The following SYT9 variants were observed in gnomAD, a reference collection of about 807,000 sequenced individuals.
SYT9 encodes the protein synaptotagmin-9.
A neutral mutation model predicts 48.4 loss-of-function variants in SYT9; 22 were observed. The ratio of observed to expected loss-of-function variants is 0.45; its 90% CI spans 0.32 to 0.65. The LOEUF is 0.65. Ranked by LOEUF, SYT9 falls within the 30% of genes least tolerant of loss-of-function variation. The probability of loss-of-function intolerance (pLI) is 0.03; values close to 1 mark genes in which losing one functional copy is unlikely to be tolerated. For missense variants in SYT9, 577 were observed against 622.0 expected (o/e 0.93, Z 0.77); for synonymous variants, 265 against 245.0 (o/e 1.08, Z -0.76).
intron 6 of SYT9, among the ~76,000 whole-genome samples, chr11:7,455,121 C>A (rs1848125395): frequency 6.6e-6 from 1 of 151,926 alleles, no homozygotes; most frequent in East Asian, 1.9e-4. Context: ...AGCCTCTAAA[C>A]CTTTAAGGAT....
intron 3 of SYT9, among the ~76,000 whole-genome samples, chr11:7,396,272 G>A (rs564930518): frequency 2.6e-5 from 4 of 152,010 alleles, no homozygotes; most frequent in South Asian, 2.1e-4. Context: ...ACTTTATCTC[G>A]CTGTATTTTT....
At chr11:7,385,723 C>A (rs763126405) in intron 3 of SYT9, among the ~76,000 whole-genome samples, 1 of 152,200 alleles carries the variant, frequency 6.6e-6, no homozygotes, top group Non-Finnish European at 1.5e-5. Context: ...CTCTGTGCAG[C>A]TCCACTGGTT....
chr11:7,246,468 G>A lies in SYT9; in HGVS notation c.49+7552G>A, dbSNP rs570495163. ...AATGAATGAAAGAACAAATAGTTGG[G>A]GAAAGGTAACATATTTCAGCTAACT... On this transcript the variant is annotated intron_variant and NMD_transcript_variant, in intron 1 of 8. Transcript: ENST00000524820. Among the ~76,000 whole-genome samples the A allele has an allele frequency of 7.2e-5, 11 of 152,246 alleles. No homozygotes were observed. The Middle Eastern group carries it at 0.01, about 141-fold the overall frequency.
At chr11:7,437,137 G>A (rs963356282) in intron 6 of SYT9, among the ~76,000 whole-genome samples, 4 of 152,170 alleles carry the variant, frequency 2.6e-5, no homozygotes, top group African/African-American at 9.7e-5. Context: ...TTCTATTGTA[G>A]TGCTTAAATA....
intron 6 of SYT9, among the ~76,000 whole-genome samples, chr11:7,447,647 A>G (rs1430606601): frequency 6.6e-6 from 1 of 152,328 alleles, no homozygotes; most frequent in East Asian, 1.9e-4. Context: ...GAGAACAGAT[A>G]CTGTATCTCA....
intron 1 of SYT9, among the ~76,000 whole-genome samples, chr11:7,290,456 A>G (rs540197084): frequency 2.6e-5 from 4 of 152,148 alleles, no homozygotes; most frequent in South Asian, 2.1e-4. Flanking sequence ...TCCTTCTACT[A>G]TACTGCTCTG....
chr11:7,442,713 G>A (rs1847849823), intron 6 of SYT9, among the ~76,000 whole-genome samples: 1 of 152,132 alleles, frequency 6.6e-6, no homozygotes, highest in South Asian at 2.1e-4. Flanking sequence ...CCAATGACAA[G>A]CATCTGTCTC....
chr11:7,465,504 A>C (rs1001204437), intron 6 of SYT9, among the ~76,000 whole-genome samples: 1 of 152,230 alleles, frequency 6.6e-6, no homozygotes, highest in Non-Finnish European at 1.5e-5. Flanking sequence ...TACTACATTT[A>C]ATCTGTGCTG....
rs146943304 is a variant in SYT9 at position 7,306,464 on chromosome 11, A to G, written c.497+3074A>G. ...ACAGCCTCACCTTATGGCCAAGGCC[A>G]CCATGTTGCAGAACCCTAGGGGACT... On this transcript the variant is annotated intron_variant, in intron 2 of 6. Coordinates refer to ENST00000318881, the MANE Select transcript of SYT9 (RefSeq NM_175733.4). Among the ~76,000 whole-genome samples the G allele has an allele frequency of 3.6e-3, 550 of 152,334 alleles. 7 individuals are homozygous for G. The highest frequency in any genetic ancestry group is 0.013 in the African/African-American group (540 of 41,586).
chr11:7,357,797 C>CT, intron 3 of SYT9, among the ~76,000 whole-genome samples: 1 of 152,206 alleles, frequency 6.6e-6, no homozygotes, highest in East Asian at 1.9e-4. Flanking sequence ...TTATCCAGCT[C>CT]TATGAAAACC....
chr11:7,255,869 T>C (rs549920971), intron 1 of SYT9, among the ~76,000 whole-genome samples: 2 of 152,366 alleles, frequency 1.3e-5, no homozygotes, highest in East Asian at 3.9e-4. Context: ...CTATCCTCTT[T>C]AATGTCAATT....
chr11:7,275,735 A>G (rs1848377257), intron 1 of SYT9, among the ~76,000 whole-genome samples: 1 of 152,090 alleles, frequency 6.6e-6, no homozygotes, highest in South Asian at 2.1e-4. Flanking sequence ...CTCTAAATCA[A>G]TGTGTCCACA....
At chr11:7,269,550 G>A (rs1476439996) in intron 1 of SYT9, among the ~76,000 whole-genome samples, 1 of 152,084 alleles carries the variant, frequency 6.6e-6, no homozygotes, top group African/African-American at 2.4e-5. Flanking sequence ...GCCTTCTTTA[G>A]TGCATTACTT....
intron 3 of SYT9, among the ~76,000 whole-genome samples, chr11:7,347,455 G>A (rs1038618848): frequency 3.3e-5 from 5 of 151,950 alleles, no homozygotes; most frequent in East Asian, 1.9e-4. Context: ...GGCTGGTCTC[G>A]AACTCCTGAC....
intron 3 of SYT9, among the ~76,000 whole-genome samples, chr11:7,318,662 C>G (rs1371711172): frequency 6.6e-6 from 1 of 152,154 alleles, no homozygotes; most frequent in Non-Finnish European, 1.5e-5. Context: ...ATGTTTTACT[C>G]TATTCAGAGT....
intron 3 of SYT9, among the ~76,000 whole-genome samples, chr11:7,396,509 C>T (rs1314931031): frequency 6.6e-5 from 10 of 152,082 alleles, no homozygotes; most frequent in Non-Finnish European, 1.2e-4. Flanking sequence ...ATTCATTCCC[C>T]AGTTGATAGA....
At chr11:7,246,386 T>G (rs1847791604) in intron 1 of SYT9, among the ~76,000 whole-genome samples, 1 of 152,234 alleles carries the variant, frequency 6.6e-6, no homozygotes, top group African/African-American at 2.4e-5. Flanking sequence ...GCTTCCTGAG[T>G]CACAGGGGAC....
At chr11:7,249,553 T>C (rs796179077), upstream of SYT9, among the ~76,000 whole-genome samples, 40 of 152,350 alleles carry the variant, frequency 2.6e-4, no homozygotes, top group African/African-American at 9.1e-4. Context: ...ATAGGAAATA[T>C]AGCATCAACC....
chr11:7,245,264 G>A (rs1191628675), intron 1 of SYT9, among the ~76,000 whole-genome samples: 1 of 152,130 alleles, frequency 6.6e-6, no homozygotes, highest in Non-Finnish European at 1.5e-5. Flanking sequence ...GCCTTGCTGG[G>A]TGGCCAGGAT....
Sources: gnomAD v4.1 joint callset for allele counts (sites outside exome capture counted in the v4.1 genomes callset) on GRCh38, gnomAD v4.1.1 for gene constraint, MANE v1.5 for transcripts, NCBI Gene and HGNC (gene_info 2026-07-23, HGNC 2026-07-21) for gene names.